The following MAP4K3 variants were observed in gnomAD, a reference collection of about 807,000 sequenced individuals.
The protein encoded by MAP4K3 is mitogen-activated protein kinase kinase kinase kinase 3, also known as MAPK/ERK kinase kinase kinase 3.
MAP4K3 carries 94 observed loss-of-function variants against 143.5 expected under a neutral mutation model. That is an observed-to-expected ratio of 0.65 (90% CI 0.55 to 0.78). The LOEUF is 0.78. Among genes scored for constraint, MAP4K3 ranks in the 30% least tolerant of loss-of-function variants. The probability of loss-of-function intolerance (pLI) is 0.00; values close to 1 mark genes in which losing one functional copy is unlikely to be tolerated. For synonymous variants in MAP4K3, 416 were observed against 347.2 expected (o/e 1.20, Z -2.20); for missense variants, 1,077 against 1,068.1 (o/e 1.01, Z -0.12).
At chr2:39,324,794 G>A (rs1263156258) in intron 12 of MAP4K3, among the ~76,000 whole-genome samples, 1 of 152,162 alleles carries the variant, frequency 6.6e-6, no homozygotes, top group Non-Finnish European at 1.5e-5. Context: ...TGCTAGGAAT[G>A]TTACATATGC....
intron 2 of MAP4K3, among the ~76,000 whole-genome samples, chr2:39,371,836 C>T (rs975331137): frequency 2.0e-5 from 3 of 151,072 alleles, no homozygotes; most frequent in African/African-American, 4.9e-5. Flanking sequence ...TATATATATA[C>T]GTATACATAC....
At chr2:39,368,592 C>G (rs963074692) in intron 2 of MAP4K3, among the ~76,000 whole-genome samples, 5 of 151,896 alleles carry the variant, frequency 3.3e-5, no homozygotes, top group Non-Finnish European at 7.4e-5. Flanking sequence ...ATCGCTTGAG[C>G]CCAGGAGTTG....
chr2:39,305,574 T>C (rs1682672107), intron 15 of MAP4K3, among the ~76,000 whole-genome samples: 2 of 152,186 alleles, frequency 1.3e-5, no homozygotes, highest in South Asian at 2.1e-4. Context: ...AGCTTTAAGG[T>C]TGATTTTATA....
intron 8 of MAP4K3, among the ~76,000 whole-genome samples, chr2:39,328,277 G>A (rs1170426995): frequency 6.6e-6 from 1 of 152,198 alleles, no homozygotes; most frequent in Non-Finnish European, 1.5e-5. Context: ...GTTGCAGTGA[G>A]CTGAGATCAC....
chr2:39,282,635 C>G, intron 21 of MAP4K3, 81 bp from the exon 22 acceptor site: 1 of 902,258 alleles, frequency 1.1e-6, no homozygotes, highest in Non-Finnish European at 1.8e-6. Context: ...CACATTTATT[C>G]AAATAAAATA....
intron 8 of MAP4K3, 23 bp downstream of exon 8, chr2:39,331,894 A>C (rs758247044): frequency 4.9e-5 from 71 of 1,445,960 alleles, no homozygotes; most frequent in Non-Finnish European, 6.4e-5. Flanking sequence ...CAAAGTATTA[A>C]ATATCAATTA....
At chr2:39,391,847 A>G (rs562176969) in intron 1 of MAP4K3, among the ~76,000 whole-genome samples, 6 of 152,234 alleles carry the variant, frequency 3.9e-5, no homozygotes, top group African/African-American at 1.2e-4. Context: ...AGATGCTCGT[A>G]ATCTCGCTGG....
At chr2:39,286,791 AC>A (rs1185533754) in intron 21 of MAP4K3, 60 bp downstream of exon 21, 1 of 997,614 alleles carries the variant, frequency 1.0e-6, no homozygotes, top group African/African-American at 1.6e-5. Context: ...TAAGCATAAA[AC>A]TAACTTAACA....
intron 2 of MAP4K3, among the ~76,000 whole-genome samples, chr2:39,377,215 T>TTTTTTTTTTTA (rs1553421056): frequency 4.7e-5 from 7 of 150,094 alleles, no homozygotes; most frequent in African/African-American, 9.8e-5. Flanking sequence ...TTTTTTTTTT[T>TTTTTTTTTTTA]AAACAGAAAA....
At chr2:39,424,384 T>G (rs1382070095) in intron 1 of MAP4K3, among the ~76,000 whole-genome samples, 2 of 152,178 alleles carry the variant, frequency 1.3e-5, no homozygotes, top group African/African-American at 4.8e-5. Context: ...AGTGGATCTC[T>G]GCAATCTAGG....
chr2:39,386,370 T>C lies in MAP4K3; in HGVS notation c.97-8247A>G, dbSNP rs557824657. On this transcript the variant is annotated intron_variant, in intron 1 of 33. Transcript: ENST00000263881. ...TCTGTGGCATTTTGTTATGGCAGCCTTGCCAAACAAATATACAGAGCAAAA... is the reference window on the plus strand; with the variant it reads ...TCTGTGGCATTTTGTTATGGCAGCCCTGCCAAACAAATATACAGAGCAAAA... Among the ~76,000 whole-genome samples the C allele has an allele frequency of 1.0e-3, 155 of 152,348 alleles. 1 individual carries two copies. The highest frequency in any genetic ancestry group is 3.4e-3 in the African/African-American group (140 of 41,588).
chr2:39,252,033 G>C, intron 32 of MAP4K3, 148 bp from the exon 33 acceptor site: 1 of 621,786 alleles, frequency 1.6e-6, no homozygotes, highest in South Asian at 2.0e-5. Flanking sequence ...TCAGCATGTA[G>C]ATACATCAAT....
intron 2 of MAP4K3, among the ~76,000 whole-genome samples, chr2:39,376,913 G>C (rs980805421): frequency 2.0e-5 from 3 of 152,140 alleles, no homozygotes; most frequent in African/African-American, 7.2e-5. Flanking sequence ...ATGAATTGAA[G>C]AGTAGGAGAT....
chr2:39,386,126 C>T lies in MAP4K3; in HGVS notation c.97-8003G>A, dbSNP rs117639162. ...AGGTTAAATAAGTTATATGGGTTGG[C>T]CCTAATCCAACAAGACTGATGTCCC... On this transcript the variant is annotated intron_variant, in intron 1 of 33. Coordinates refer to ENST00000263881, the MANE Select transcript of MAP4K3 (RefSeq NM_003618.4). 1.7e-3 allele frequency among the ~76,000 whole-genome samples: 256 copies of T among 152,236 alleles called. 6 individuals carry two copies. In the East Asian group the frequency reaches 0.024, roughly 14 times the overall value.
At chr2:39,397,739 G>T (rs565874069) in intron 1 of MAP4K3, among the ~76,000 whole-genome samples, 1 of 152,256 alleles carries the variant, frequency 6.6e-6, no homozygotes, top group South Asian at 2.1e-4. Flanking sequence ...AAAAGTATAC[G>T]AGTGGCAAAT....
intron 2 of MAP4K3, among the ~76,000 whole-genome samples, chr2:39,366,339 T>A (rs540049366): frequency 6.6e-6 from 1 of 152,078 alleles, no homozygotes; most frequent in Admixed American, 6.5e-5. Context: ...GATTGGCAAT[T>A]GGTTTAGAGT....
intron 21 of MAP4K3, 23 bp downstream of exon 21, chr2:39,286,829 A>T (rs1485350121): frequency 6.8e-7 from 1 of 1,464,424 alleles, no homozygotes; most frequent in East Asian, 2.3e-5. Flanking sequence ...ATACAAGTAG[A>T]ACTTATGACT....
intron 1 of MAP4K3, among the ~76,000 whole-genome samples, chr2:39,400,882 AACATATAACACTTAGTCTTTAG>A (rs1666936113): frequency 6.6e-6 from 1 of 152,182 alleles, no homozygotes; most frequent in Non-Finnish European, 1.5e-5. Flanking sequence ...AAATGAACAA[AACATATAACACTTAGTCTTTAG>A]ACATGAAATA....
At chr2:39,289,498 C>G (rs898227831) in intron 19 of MAP4K3, among the ~76,000 whole-genome samples, 2 of 151,936 alleles carry the variant, frequency 1.3e-5, no homozygotes, top group Admixed American at 1.3e-4. Context: ...AACAACCCAT[C>G]AGTTGAAATT....
Sources: gnomAD v4.1 joint callset for allele counts (sites outside exome capture counted in the v4.1 genomes callset) on GRCh38, gnomAD v4.1.1 for gene constraint, MANE v1.5 for transcripts, NCBI Gene and HGNC (gene_info 2026-07-23, HGNC 2026-07-21) for gene names.